The following WAC variants were observed in gnomAD, a reference collection of about 807,000 sequenced individuals.
WAC encodes WW domain-containing adapter protein with coiled-coil.
WAC carries 11 observed loss-of-function variants against 79.6 expected under a neutral mutation model. The observed-to-expected ratio is 0.14, with a 90% CI of 0.09 to 0.23. The LOEUF is 0.23. Ranked by LOEUF, WAC falls within the 10% of genes least tolerant of loss-of-function variation. WAC has a pLI of 1.00. For synonymous variants in WAC, 304 were observed against 276.9 expected (o/e 1.10, Z -0.97); for missense variants, 728 against 773.5 (o/e 0.94, Z 0.70).
rs1166019042 is a variant in WAC, at chr10:28,611,814, T to C, written c.1329T>C (p.Asp443=). The change falls in exon 10 of 14, where the codon GAT becomes GAC. Residue 443 remains aspartate (D), a synonymous_variant. Transcript: ENST00000354911. ...AGTCTCCGATGTCTTTAACATCTGA[T>C]GCGTCATCCCCAAGATCATATGTTT... ...SNQSPMSLTS[D]ASSPRSYVSP... The C allele has an allele frequency of 1.9e-6, 3 of 1,614,186 alleles. No individual in the cohort carries two copies. The highest frequency in any genetic ancestry group is 1.7e-6 in the Non-Finnish European group (2 of 1,180,034).
chr10:28,553,003 T>G (rs2132435016), intron 3 of WAC, among the ~76,000 whole-genome samples: 1 of 152,286 alleles, frequency 6.6e-6, no homozygotes, highest in South Asian at 2.1e-4. Flanking sequence ...TTGTTCTGTG[T>G]CCTGCCAGCT....
intron 2 of WAC, chr10:28,535,349 T>C (rs958502568): frequency 1.5e-5 from 6 of 401,566 alleles, no homozygotes; most frequent in Admixed American, 4.5e-5. Flanking sequence ...TTTTTGTGTT[T>C]AGTGTGATTT....
chr10:28,599,291 C>CT (rs962100524), intron 7 of WAC, among the ~76,000 whole-genome samples: 79 of 152,186 alleles, frequency 5.2e-4, no homozygotes, highest in Non-Finnish European at 1.0e-3. Flanking sequence ...GATAGTATAG[C>CT]TGAGCTGTGT....
intron 3 of WAC, among the ~76,000 whole-genome samples, chr10:28,548,420 A>C (rs891509008): frequency 2.0e-5 from 3 of 152,090 alleles, no homozygotes; most frequent in Admixed American, 6.5e-5. Context: ...GTAAATAGTA[A>C]GTACAGTAGT....
intron 7 of WAC, among the ~76,000 whole-genome samples, chr10:28,603,639 T>A (rs181719992): frequency 1.6e-3 from 240 of 152,074 alleles, no homozygotes; most frequent in Non-Finnish European, 2.8e-3. Flanking sequence ...TAATTAAAAT[T>A]ATGTATTTGT....
chr10:28,551,784 T>TTGTATGTG (rs1837683370), intron 3 of WAC, among the ~76,000 whole-genome samples: 1 of 124,808 alleles, frequency 8.0e-6, no homozygotes, highest in Non-Finnish European at 1.6e-5. Flanking sequence ...TCCTGTCTAC[T>TTGTATGTG]TGTGTGTGTG....
intron 3 of WAC, among the ~76,000 whole-genome samples, chr10:28,567,588 C>A (rs1485997220): frequency 6.6e-6 from 1 of 152,026 alleles, no homozygotes; most frequent in Admixed American, 6.6e-5. Flanking sequence ...CGCAGGGCTC[C>A]CTTCTGACAA....
chr10:28,597,056 CAT>C (rs199735130), intron 7 of WAC, among the ~76,000 whole-genome samples: 3,473 of 152,102 alleles, frequency 0.023, 145 homozygotes, highest in African/African-American at 0.078. Flanking sequence ...TTTCTTATTA[CAT>C]GTTATATGCA....
intron 3 of WAC, among the ~76,000 whole-genome samples, chr10:28,556,320 C>G (rs531075941): frequency 1.4e-5 from 2 of 144,016 alleles, no homozygotes; most frequent in South Asian, 4.5e-4. Flanking sequence ...ATACTAAGCA[C>G]TTTTTAATAT....
rs1841678225 is a variant in WAC, at chr10:28,621,193, AT to A, written c.*1589del. The A allele has an allele frequency of 7.0e-6, 1 of 142,862 alleles. No individual in the cohort carries two copies. The highest frequency in any genetic ancestry group is 2.2e-4 in the South Asian group (1 of 4,496). 8.8% of individuals were successfully genotyped at this position (142,862 alleles called of 1,614,324 possible). ...TCTTCTTCTTCTTTTTTTTCTTTAA[AT>A]TGGTTTAGGGTTTTTTGGTGATTTT... On this transcript the variant is annotated 3_prime_UTR_variant, in exon 14 of 14. Coordinates refer to ENST00000354911, the MANE Select transcript of WAC (RefSeq NM_016628.5).
chr10:28,543,943 G>A (rs917796310), intron 3 of WAC, among the ~76,000 whole-genome samples: 4 of 152,194 alleles, frequency 2.6e-5, no homozygotes, highest in African/African-American at 9.7e-5. Flanking sequence ...AGGCTGGAGT[G>A]CAGTGGCGCA....
chr10:28,580,695 T>G (rs1208996428), intron 3 of WAC, among the ~76,000 whole-genome samples: 1 of 152,208 alleles, frequency 6.6e-6, no homozygotes, highest in African/African-American at 2.4e-5. Flanking sequence ...ATATTACTAG[T>G]TCTACTTCTT....
chr10:28,601,636 A>G (rs1252409695), intron 7 of WAC, among the ~76,000 whole-genome samples: 1 of 152,220 alleles, frequency 6.6e-6, no homozygotes, highest in Non-Finnish European at 1.5e-5. Flanking sequence ...ACAGACAAAC[A>G]TTAGATAGAA....
At chr10:28,599,960 A>C (rs332162) in intron 7 of WAC, among the ~76,000 whole-genome samples, 127,236 of 152,112 alleles carry the variant, frequency 0.84, 53,342 homozygotes, top group East Asian at 0.94. Context: ...GTTGGCACCC[A>C]AATGGCCATT....
intron 3 of WAC, among the ~76,000 whole-genome samples, chr10:28,539,286 A>G (rs1049641809): frequency 1.3e-5 from 2 of 152,206 alleles, no homozygotes; most frequent in Admixed American, 1.3e-4. Context: ...GTGAGAAATC[A>G]GGGATTGTGA....
intron 3 of WAC, among the ~76,000 whole-genome samples, chr10:28,540,947 A>T (rs921148121): frequency 6.6e-6 from 1 of 152,202 alleles, no homozygotes; most frequent in African/African-American, 2.4e-5. Flanking sequence ...TTAAATTTGA[A>T]CACTAGTACC....
At chr10:28,539,172 C>T (rs1039851070) in intron 3 of WAC, among the ~76,000 whole-genome samples, 3 of 152,130 alleles carry the variant, frequency 2.0e-5, no homozygotes, top group Non-Finnish European at 2.9e-5. Context: ...ACTGGCATCA[C>T]AGCATTTTTC....
intron 10 of WAC, 69 bp downstream of exon 10, chr10:28,611,991 A>C: frequency 6.4e-7 from 1 of 1,565,448 alleles, no homozygotes; most frequent in East Asian, 2.2e-5. Context: ...ACATTTTAGA[A>C]TCTGTTATAG....
At chr10:28,571,741 A>G (rs1399438759) in intron 3 of WAC, among the ~76,000 whole-genome samples, 1 of 152,204 alleles carries the variant, frequency 6.6e-6, no homozygotes, top group African/African-American at 2.4e-5. Flanking sequence ...TTGGTTAATT[A>G]GGGTCAGGAG....
Sources: gnomAD v4.1 joint callset for allele counts (sites outside exome capture counted in the v4.1 genomes callset) on GRCh38, gnomAD v4.1.1 for gene constraint, MANE v1.5 for transcripts, NCBI Gene and HGNC (gene_info 2026-07-23, HGNC 2026-07-21) for gene names.